The following RBFOX2 variants were observed in gnomAD, a reference collection of about 807,000 sequenced individuals.
RBFOX2 encodes RNA binding protein fox-1 homolog 2.
Under a neutral mutation model 49.1 loss-of-function variants are expected in RBFOX2, and 10 were observed. The ratio of observed to expected loss-of-function variants is 0.20; its 90% confidence interval spans 0.13 to 0.35. The LOEUF is 0.35. Ranked by LOEUF, RBFOX2 falls within the 10% of genes least tolerant of loss-of-function variation. The pLI is 1.00. For missense variants in RBFOX2, 323 were observed against 486.9 expected (o/e 0.66, Z 3.17); for synonymous variants, 183 against 187.4 (o/e 0.98, Z 0.19).
chr22:35,795,375 T>C (rs1948597476), intron 2 of RBFOX2, among the ~76,000 whole-genome samples: 1 of 151,972 alleles, frequency 6.6e-6, no homozygotes, highest in Admixed American at 6.6e-5. Context: ...GGGCTGAAGG[T>C]AATATAGCCC....
upstream of RBFOX2, among the ~76,000 whole-genome samples, chr22:35,962,299 G>T (rs1221208100): frequency 6.6e-6 from 1 of 152,200 alleles, no homozygotes; most frequent in Non-Finnish European, 1.5e-5. Flanking sequence ...CACTAAGCCT[G>T]GAAGCACAAA....
At chr22:35,746,603 C>G (rs1932843783) in intron 9 of RBFOX2, 42 bp from the exon 12 acceptor site, 1 of 1,317,924 alleles carries the variant, frequency 7.6e-7, no homozygotes, top group Middle Eastern at 1.9e-4. Flanking sequence ...TACCTCTCCC[C>G]CCAGGTGTAC....
chr22:35,817,949 A>AAC (rs71322983), intron 1 of RBFOX2, among the ~76,000 whole-genome samples: 2,461 of 143,530 alleles, frequency 0.017, 29 homozygotes, highest in African/African-American at 0.036. Flanking sequence ...ATCACTTGTC[A>AAC]ACACACACAC....
chr22:35,843,960 G>C (rs534838263), upstream of RBFOX2, among the ~76,000 whole-genome samples: 5 of 152,258 alleles, frequency 3.3e-5, no homozygotes, highest in African/African-American at 4.8e-5. Context: ...TATCACTTCA[G>C]TTACCAAGAA....
At chr22:36,028,662 C>T (rs1266243499) in exon 1 of RBFOX2, among the ~76,000 whole-genome samples, 1 of 149,204 alleles carries the variant, frequency 6.7e-6, no homozygotes, top group East Asian at 2.0e-4. Flanking sequence ...GGGCCACTGG[C>T]GGGTCGTGAT....
rs562333696 is a variant in RBFOX2, at chr22:35,805,063, G to A, written c.252+4717C>T. 9.9e-5 allele frequency among the ~76,000 whole-genome samples: 15 copies of A among 151,996 alleles called. No homozygotes were observed. The South Asian group carries it at 2.1e-3, about 21-fold the overall frequency. On this transcript the variant is annotated intron_variant, in intron 2 of 11. Transcript: ENST00000405409. Reference sequence around the variant, plus strand: ...AGCACTTTGGGAGGCCGAGGCGGGCGGATCACGAGGTCAGGAGATCGAGAC... The same window carrying A: ...AGCACTTTGGGAGGCCGAGGCGGGCAGATCACGAGGTCAGGAGATCGAGAC...
At chr22:35,795,036 T>C (rs1225049220) in intron 2 of RBFOX2, among the ~76,000 whole-genome samples, 1 of 152,186 alleles carries the variant, frequency 6.6e-6, no homozygotes, top group Non-Finnish European at 1.5e-5. Flanking sequence ...AAAATACCCA[T>C]GCATAATTCT....
upstream of RBFOX2, among the ~76,000 whole-genome samples, chr22:35,842,244 A>G (rs1043751244): frequency 5.3e-5 from 8 of 152,332 alleles, no homozygotes; most frequent in East Asian, 9.6e-4. Flanking sequence ...CATTTTACAG[A>G]TATCTGTATA....
chr22:35,913,666 TATC>T (rs2050089592), intron 1 of RBFOX2, among the ~76,000 whole-genome samples: 2 of 151,880 alleles, frequency 1.3e-5, no homozygotes, highest in African/African-American at 4.8e-5. Context: ...TAGATATAGA[TATC>T]ATAGAAATTC....
chr22:35,839,453 GGAGA>G (rs757347601), intron 1 of RBFOX2, among the ~76,000 whole-genome samples: 1 of 152,156 alleles, frequency 6.6e-6, no homozygotes, highest in East Asian at 1.9e-4. Flanking sequence ...AGTGGGAGTG[GGAGA>G]GAGAGAAGAG....
intron 9 of RBFOX2, chr22:35,746,792 T>C (rs1932899083): frequency 2.6e-6 from 1 of 380,904 alleles, no homozygotes; most frequent in Non-Finnish European, 4.6e-6. Context: ...CAATTTGTGA[T>C]AGTATTAAAA....
At chr22:35,778,951 C>T (rs12168613) in intron 3 of RBFOX2, among the ~76,000 whole-genome samples, 9 of 152,202 alleles carry the variant, frequency 5.9e-5, no homozygotes, top group African/African-American at 4.8e-5. Flanking sequence ...AACAACTATC[C>T]GAATCAATAT....
In RBFOX2 at chr22:35,811,664, A is replaced by G. The variant is rs576357924; in HGVS notation, c.28-1660T>C. ...TAAAAATAAAAATAAATTGCTTTAC[A>G]TAAAAATTTTCCTGCTATTGGACAT... On this transcript the variant is annotated intron_variant, in intron 1 of 11. Coordinates refer to ENST00000405409, the Ensembl canonical transcript of RBFOX2. Among the ~76,000 whole-genome samples, 18 of 152,364 alleles carry G rather than the reference A, an allele frequency of 1.2e-4. No individual in the cohort carries two copies. The South Asian group carries it at 2.5e-3, about 21-fold the overall frequency.
intron 1 of RBFOX2, among the ~76,000 whole-genome samples, chr22:35,889,191 T>C (rs1429210431): frequency 2.0e-5 from 3 of 152,048 alleles, no homozygotes; most frequent in African/African-American, 7.2e-5. Context: ...TTCATTCTTC[T>C]CCAGGCATTA....
At position 35,931,761 on chromosome 22, in the gene RBFOX2, T is replaced by TGAGACTCCATCTCAAAAAAATAAAGGC. The variant is rs1261069951; in HGVS notation, c.-34+7059_-34+7085dup. ...CTGCACTCCAGCCTAGGTGACAAAG[T>TGAGACTCCATCTCAAAAAAATAAAGGC]GAGACTCCATCTCAAAAAAATAAAG... On this transcript the variant is annotated intron_variant, in intron 1 of 13. Transcript: ENST00000359369. Among the ~76,000 whole-genome samples the TGAGACTCCATCTCAAAAAAATAAAGGC allele has an allele frequency of 2.6e-5, 4 of 152,088 alleles. No homozygotes were observed. In the East Asian group the frequency reaches 7.7e-4, roughly 29 times the overall value.
intron 1 of RBFOX2, among the ~76,000 whole-genome samples, chr22:35,911,358 A>C (rs2049808965): frequency 6.6e-6 from 1 of 152,202 alleles, no homozygotes; most frequent in South Asian, 2.1e-4. Context: ...AGAACCTCAT[A>C]AATATTCAAC....
At chr22:35,807,004 A>G (rs541799715) in intron 2 of RBFOX2, among the ~76,000 whole-genome samples, 1 of 152,200 alleles carries the variant, frequency 6.6e-6, no homozygotes, top group South Asian at 2.1e-4. Context: ...GGGTTTCACC[A>G]TGTTGGTCAG....
intron 1 of RBFOX2, among the ~76,000 whole-genome samples, chr22:36,022,839 C>CA (rs1290578196): frequency 6.6e-6 from 1 of 152,130 alleles, no homozygotes; most frequent in Non-Finnish European, 1.5e-5. Flanking sequence ...GAACACACAG[C>CA]AAGAAGACAG....
chr22:35,746,256 G>C (rs912360173), intron 10 of RBFOX2, among the ~76,000 whole-genome samples: 6 of 152,244 alleles, frequency 3.9e-5, no homozygotes, highest in Non-Finnish European at 7.3e-5. Context: ...AGTCAAAGAA[G>C]AGATGAGAAC....
Sources: gnomAD v4.1 joint callset for allele counts (sites outside exome capture counted in the v4.1 genomes callset) on GRCh38, gnomAD v4.1.1 for gene constraint, MANE v1.5 for transcripts, NCBI Gene and HGNC (gene_info 2026-07-23, HGNC 2026-07-21) for gene names.